Variants in SCAPER observed in about 807,000 individuals in gnomAD.
SCAPER encodes S phase cyclin A-associated protein in the endoplasmic reticulum.
In SCAPER, 98 loss-of-function variants were observed where a neutral mutation model predicts 182.2. That is an observed-to-expected ratio of 0.54 (90% CI 0.46 to 0.64). SCAPER has a LOEUF of 0.64. SCAPER is among the 30% of genes least tolerant of loss of function. SCAPER has a pLI of 0.00. For synonymous variants in SCAPER, 605 were observed against 564.6 expected (o/e 1.07, Z -1.01); for missense variants, 1,432 against 1,690.0 (o/e 0.85, Z 2.68).
At chr15:76,870,804 T>A (rs183664149) in intron 2 of SCAPER, among the ~76,000 whole-genome samples, 7 of 152,180 alleles carry the variant, frequency 4.6e-5, no homozygotes, top group Admixed American at 3.3e-4. Flanking sequence ...TTAGAGCACA[T>A]AAAGGCTGAG....
At chr15:76,652,518 T>TACACACACACACACAC (rs71143350) in intron 21 of SCAPER, among the ~76,000 whole-genome samples, 3 of 88,926 alleles carry the variant, frequency 3.4e-5, no homozygotes, top group African/African-American at 9.0e-5. Flanking sequence ...TTTACATACA[T>TACACACACACACACAC]ACACACACAC....
chr15:76,778,638 A>AGTGT (rs1325120661), intron 8 of SCAPER, among the ~76,000 whole-genome samples: 18 of 145,554 alleles, frequency 1.2e-4, no homozygotes, highest in African/African-American at 4.8e-4. Flanking sequence ...CATAAGTGTG[A>AGTGT]GTGTATGTGT....
At chr15:76,363,371 T>C (rs1236152624) in intron 29 of SCAPER, among the ~76,000 whole-genome samples, 2 of 152,214 alleles carry the variant, frequency 1.3e-5, no homozygotes, top group Admixed American at 6.5e-5. Flanking sequence ...AGGACTCAGA[T>C]AACACCATCT....
At chr15:76,873,310 G>A (rs2151924204) in intron 2 of SCAPER, among the ~76,000 whole-genome samples, 1 of 112,928 alleles carries the variant, frequency 8.9e-6, no homozygotes, top group South Asian at 3.6e-4. Context: ...AGGAAGGAAG[G>A]AAGGAAGGAA....
chr15:76,430,847 C>T (rs536200944), intron 26 of SCAPER, among the ~76,000 whole-genome samples: 2 of 152,238 alleles, frequency 1.3e-5, no homozygotes, highest in East Asian at 3.9e-4. Flanking sequence ...TTGGGAGGGG[C>T]TGGGGTGGAA....
intron 16 of SCAPER, among the ~76,000 whole-genome samples, chr15:76,731,083 T>G (rs904615865): frequency 6.6e-6 from 1 of 152,192 alleles, no homozygotes; most frequent in African/African-American, 2.4e-5. Context: ...TAAAGCACCC[T>G]GCAAAGGGTA....
At chr15:76,758,977 T>A (rs558873323) in intron 14 of SCAPER, among the ~76,000 whole-genome samples, 12,135 of 152,136 alleles carry the variant, frequency 0.08, 684 homozygotes, top group Non-Finnish European at 0.12. Context: ...TTCTCAAAGT[T>A]TTTTGTGGAA....
At chr15:76,694,569 T>G (rs2058553925) in intron 20 of SCAPER, among the ~76,000 whole-genome samples, 1 of 152,120 alleles carries the variant, frequency 6.6e-6, no homozygotes, top group African/African-American at 2.4e-5. Flanking sequence ...TTAAGTTATG[T>G]GTATTTTACC....
chr15:76,793,170 A>G (rs2065108502), intron 8 of SCAPER: 1 of 1,023,344 alleles, frequency 9.8e-7, no homozygotes, highest in African/African-American at 1.6e-5. Context: ...ATTTTTTATA[A>G]CACAAAAATT....
intron 25 of SCAPER, among the ~76,000 whole-genome samples, chr15:76,441,692 T>C (rs1217370617): frequency 6.6e-6 from 1 of 152,178 alleles, no homozygotes; most frequent in Non-Finnish European, 1.5e-5. Flanking sequence ...ATCTTATCCA[T>C]AAGTTATGCC....
intron 8 of SCAPER, among the ~76,000 whole-genome samples, chr15:76,782,950 C>T (rs1040463338): frequency 6.6e-6 from 1 of 151,944 alleles, no homozygotes; most frequent in African/African-American, 2.4e-5. Flanking sequence ...AAATTGACAC[C>T]CTAACATCTC....
intron 26 of SCAPER, among the ~76,000 whole-genome samples, chr15:76,418,469 T>C (rs976663818): frequency 2.4e-4 from 36 of 152,246 alleles, no homozygotes; most frequent in African/African-American, 6.3e-4. Context: ...TCTCTCAGAG[T>C]AGGATCCCAT....
At chr15:76,826,036 G>A (rs993530235) in intron 5 of SCAPER, among the ~76,000 whole-genome samples, 7 of 152,120 alleles carry the variant, frequency 4.6e-5, no homozygotes, top group Admixed American at 6.6e-5. Flanking sequence ...GTGAGCCTCC[G>A]TGCCTGGCCA....
chr15:76,480,193 C>A (rs745586685), intron 24 of SCAPER, among the ~76,000 whole-genome samples: 6 of 152,172 alleles, frequency 3.9e-5, no homozygotes, highest in Non-Finnish European at 8.8e-5. Context: ...AACACCAGAG[C>A]CCCAATGCAT....
At chr15:76,481,502 C>CAT (rs1047953835) in intron 24 of SCAPER, among the ~76,000 whole-genome samples, 1 of 151,986 alleles carries the variant, frequency 6.6e-6, no homozygotes, top group Non-Finnish European at 1.5e-5. Context: ...TGCATATATG[C>CAT]ATATATATAT....
intron 27 of SCAPER, among the ~76,000 whole-genome samples, chr15:76,394,376 A>G (rs187017248): frequency 3.7e-4 from 56 of 152,334 alleles, no homozygotes; most frequent in Admixed American, 3.1e-3. Flanking sequence ...AAGACCAGAT[A>G]GGGGACTTTA....
Position 76,351,306 on chromosome 15 carries a change from AGT to A in SCAPER, c.4048-20_4048-19del, listed in dbSNP as rs1485050798. On this transcript the variant is annotated intron_variant, in intron 30 of 31. Coordinates refer to ENST00000563290, the MANE Select transcript of SCAPER (RefSeq NM_020843.4). The stretch of plus-strand genomic sequence containing the variant: ...GCCAAATCCTGTATGAGGAGAGAAA[AGT>A]GTTTTTCTATCAATGCTATGAACAG... 4 of 1,600,940 alleles carry A rather than the reference AGT, an allele frequency of 2.5e-6. No homozygotes were observed. Among genetic ancestry groups the A allele is most frequent in the Non-Finnish European group, 3.4e-6 (4 of 1,173,648 alleles).
At chr15:76,829,490 T>C (rs1349077616) in intron 5 of SCAPER, among the ~76,000 whole-genome samples, 1 of 152,212 alleles carries the variant, frequency 6.6e-6, no homozygotes, top group African/African-American at 2.4e-5. Flanking sequence ...TGTAAATACT[T>C]AGCATCACTA....
At chr15:76,466,620 T>C (rs901935563) in intron 25 of SCAPER, among the ~76,000 whole-genome samples, 7 of 151,748 alleles carry the variant, frequency 4.6e-5, no homozygotes, top group Non-Finnish European at 1.0e-4. Flanking sequence ...TGTTTCCCTG[T>C]TTCTTCTACG....
Sources: gnomAD v4.1 joint callset for allele counts (sites outside exome capture counted in the v4.1 genomes callset) on GRCh38, gnomAD v4.1.1 for gene constraint, MANE v1.5 for transcripts, NCBI Gene and HGNC (gene_info 2026-07-23, HGNC 2026-07-21) for gene names.